TRIM37: variants seen among roughly 807,000 people sequenced by gnomAD.
TRIM37 encodes the protein tripartite motif containing 37, also known as E3 ubiquitin-protein ligase TRIM37.
In TRIM37, 80 loss-of-function variants were observed where a neutral mutation model predicts 129.8. The observed-to-expected ratio is 0.62, with a 90% CI of 0.51 to 0.74. TRIM37 has a LOEUF of 0.74. TRIM37 is among the 30% of genes least tolerant of loss of function. The pLI is 0.00. For missense variants in TRIM37, 1,054 were observed against 1,176.5 expected (o/e 0.90, Z 1.52); for synonymous variants, 389 against 387.1 (o/e 1.00, Z -0.06).
At chr17:59,005,019 TAA>T (rs1402111690) in intron 22 of TRIM37, among the ~76,000 whole-genome samples, 5 of 152,212 alleles carry the variant, frequency 3.3e-5, no homozygotes, top group Non-Finnish European at 7.3e-5. Flanking sequence ...CAGAGACGGT[TAA>T]AGAGGCCAAA....
At chr17:58,986,330 C>T (rs926492921) in intron 24 of TRIM37, among the ~76,000 whole-genome samples, 10 of 151,896 alleles carry the variant, frequency 6.6e-5, no homozygotes, top group African/African-American at 2.2e-4. Context: ...TCCCAAGTAG[C>T]TGGGATTACA....
intron 4 of TRIM37, among the ~76,000 whole-genome samples, chr17:59,084,312 C>A (rs1224947770): frequency 6.6e-6 from 1 of 152,122 alleles, no homozygotes; most frequent in Non-Finnish European, 1.5e-5. Flanking sequence ...TAATCACATG[C>A]GAAATACAGA....
intron 17 of TRIM37, among the ~76,000 whole-genome samples, chr17:59,033,119 AAG>A (rs2145655898): frequency 6.6e-6 from 1 of 152,324 alleles, no homozygotes; most frequent in African/African-American, 2.4e-5. Flanking sequence ...ATATATTTTA[AAG>A]AGATAGAACA....
intron 12 of TRIM37, among the ~76,000 whole-genome samples, chr17:59,058,159 G>A (rs2041142952): frequency 2.0e-5 from 3 of 152,064 alleles, no homozygotes; most frequent in Admixed American, 6.6e-5. Flanking sequence ...GAAAATCAAA[G>A]GCTATAAAAT....
intron 19 of TRIM37, among the ~76,000 whole-genome samples, chr17:59,022,107 A>T (rs2145304962): frequency 6.6e-6 from 1 of 152,310 alleles, no homozygotes; most frequent in East Asian, 1.9e-4. Context: ...GGACAAAAAC[A>T]TCTGAATTTA....
At chr17:59,065,387 C>T (rs2041846028) in intron 9 of TRIM37, among the ~76,000 whole-genome samples, 1 of 152,152 alleles carries the variant, frequency 6.6e-6, no homozygotes, top group Non-Finnish European at 1.5e-5. Flanking sequence ...AGGATGAATA[C>T]CTCATCACCT....
chr17:59,017,981 A>G (rs1382653849), intron 19 of TRIM37, among the ~76,000 whole-genome samples: 3 of 152,218 alleles, frequency 2.0e-5, no homozygotes, highest in African/African-American at 4.8e-5. Context: ...AATCATACAA[A>G]TTTCAATGCA....
intron 2 of TRIM37, among the ~76,000 whole-genome samples, chr17:59,097,070 C>A (rs1031490370): frequency 6.6e-6 from 1 of 152,132 alleles, no homozygotes; most frequent in South Asian, 2.1e-4. Context: ...AATCCAATAT[C>A]CTTTCATGAT....
intron 24 of TRIM37, among the ~76,000 whole-genome samples, chr17:58,992,297 T>TTA (rs1242834616): frequency 1.9e-4 from 25 of 134,010 alleles, no homozygotes; most frequent in Non-Finnish European, 2.5e-4. Flanking sequence ...TTATATATAT[T>TTA]TATATATATA....
chr17:59,083,970 C>G, intron 5 of TRIM37, 32 bp downstream of exon 5: 3 of 1,578,244 alleles, frequency 1.9e-6, no homozygotes, highest in Non-Finnish European at 2.6e-6. Flanking sequence ...TAGCCTCTAA[C>G]TTAAAAAAAA....
intron 8 of TRIM37, among the ~76,000 whole-genome samples, chr17:59,071,348 C>T (rs925575978): frequency 1.4e-5 from 2 of 147,286 alleles, no homozygotes; most frequent in African/African-American, 2.5e-5. Flanking sequence ...TGCAATGGCG[C>T]GATCTCGGCT....
At chr17:59,069,777 G>C (rs1265844846) in intron 9 of TRIM37, among the ~76,000 whole-genome samples, 1 of 152,168 alleles carries the variant, frequency 6.6e-6, no homozygotes, top group Admixed American at 6.5e-5. Context: ...AAGGCTAAAT[G>C]AGTTGATAAT....
intron 16 of TRIM37, among the ~76,000 whole-genome samples, chr17:59,044,973 A>T (rs2039623560): frequency 6.6e-6 from 1 of 151,950 alleles, no homozygotes; most frequent in Non-Finnish European, 1.5e-5. Context: ...TGAAGGTTAC[A>T]GGGAGCTATA....
chr17:59,091,263 TTTCAAAA>T, intron 3 of TRIM37, 30 bp downstream of exon 3: 1 of 1,561,104 alleles, frequency 6.4e-7, no homozygotes, highest in Non-Finnish European at 8.8e-7. Flanking sequence ...ATCTTACTAT[TTTCAAAA>T]TTCACAAATA....
At chr17:58,977,110 A>C in the TRIM37 span, among the ~76,000 whole-genome samples, 2 of 152,188 alleles carry the variant, frequency 1.3e-5, no homozygotes, top group Non-Finnish European at 2.9e-5. Flanking sequence ...TGATTAAATC[A>C]AAAGCATGCT....
chr17:59,064,409 A>G lies in TRIM37; in HGVS notation c.810-4T>C. 3 of 1,493,032 alleles carry G rather than the reference A, an allele frequency of 2.0e-6. No individual in the cohort carries two copies. The highest frequency in any genetic ancestry group is 2.7e-6 in the Non-Finnish European group (3 of 1,100,800). 92.5% of individuals were successfully genotyped at this position (1,493,032 alleles called of 1,614,324 possible). On this transcript the variant is annotated splice_polypyrimidine_tract_variant and splice_region_variant and intron_variant, in intron 9 of 23. Transcript: ENST00000262294. ...ATCGTAAGATGGCACTAATTCACTA[A>G]AAAAAAAAAGGCAAAAAAAATTATT... is the stretch of plus-strand genomic sequence containing the variant.
chr17:58,980,343 G>A (rs138207802), downstream of TRIM37: 173 of 1,613,974 alleles, frequency 1.1e-4, no homozygotes, highest in Non-Finnish European at 1.4e-4. The surrounding 1 kb of genome is among the most constrained non-coding windows in gnomAD (Gnocchi z 4.7). Context: ...GAGTGCAAAC[G>A]CCCTTGGCCT....
At chr17:59,024,891 G>A (rs2037057097) in intron 19 of TRIM37, among the ~76,000 whole-genome samples, 2 of 152,166 alleles carry the variant, frequency 1.3e-5, no homozygotes, top group Non-Finnish European at 1.5e-5. Flanking sequence ...GATTAAAAGT[G>A]CAAGAACCAC....
At chr17:59,053,876 A>G (rs2040584298) in intron 13 of TRIM37, among the ~76,000 whole-genome samples, 1 of 152,176 alleles carries the variant, frequency 6.6e-6, no homozygotes, top group African/African-American at 2.4e-5. Context: ...AGACAGGAGG[A>G]TCACTTGAGC....
Sources: gnomAD v4.1 joint callset for allele counts (sites outside exome capture counted in the v4.1 genomes callset) on GRCh38, gnomAD v4.1.1 for gene constraint, Gnocchi (gnomAD v3.1) non-coding constraint, MANE v1.5 for transcripts, NCBI Gene and HGNC (gene_info 2026-07-23, HGNC 2026-07-21) for gene names.